The following PTGER4 variants were observed in gnomAD, a reference collection of about 807,000 sequenced individuals.
The protein encoded by PTGER4 is prostaglandin E2 receptor EP4 subtype.
PTGER4 carries 11 observed loss-of-function variants against 33.2 expected under a neutral mutation model. The observed-to-expected ratio is 0.33, with a 90% CI of 0.21 to 0.55. The LOEUF is 0.55. Among genes scored for constraint, PTGER4 ranks in the 20% least tolerant of loss-of-function variants. The pLI is 0.92. For synonymous variants in PTGER4, 275 were observed against 281.5 expected (o/e 0.98, Z 0.23); for missense variants, 481 against 650.2 (o/e 0.74, Z 2.83).
chr5:40,730,995 G>A, the PTGER4 span, among the ~76,000 whole-genome samples: 59 of 152,290 alleles, frequency 3.9e-4, no homozygotes, highest in Non-Finnish European at 6.5e-4. Flanking sequence ...TCTAAAAGCA[G>A]TAACTATATC....
chr5:40,712,889 C>T, the PTGER4 span, among the ~76,000 whole-genome samples: 6 of 152,094 alleles, frequency 3.9e-5, no homozygotes, highest in Non-Finnish European at 8.8e-5. Flanking sequence ...GTTACAGTAG[C>T]TTTAGGGCCA....
chr5:40,699,375 C>A, the PTGER4 span, among the ~76,000 whole-genome samples: 1 of 145,382 alleles, frequency 6.9e-6, no homozygotes. Flanking sequence ...TAAAAACTAC[C>A]CCGCAAAAAA....
At chr5:40,710,133 G>A in the PTGER4 span, among the ~76,000 whole-genome samples, 4 of 152,072 alleles carry the variant, frequency 2.6e-5, no homozygotes, top group African/African-American at 9.7e-5. Flanking sequence ...ATCAGAGTGA[G>A]CAGGCAACCT....
chr5:40,720,885 T>C, the PTGER4 span, among the ~76,000 whole-genome samples: 1 of 152,218 alleles, frequency 6.6e-6, no homozygotes, highest in African/African-American at 2.4e-5. Flanking sequence ...GAGTGTCCAA[T>C]GCCCCAACTT....
Position 40,692,331 on chromosome 5 carries a change from G to C in PTGER4, c.1420G>C (p.Val474Leu). The C allele has an allele frequency of 6.2e-7, 1 of 1,608,554 alleles. No homozygotes were observed. Among genetic ancestry groups the C allele is most frequent in the Non-Finnish European group, 8.5e-7 (1 of 1,177,358 alleles). ...GPAPKGSSLQ[V>L]TFPSETLNLS... ...TGCCCCTAAGGGGAGCTCCCTGCAA[G>C]TCACATTTCCCAGTGAAACACTGAA... is the stretch of plus-strand genomic sequence containing the variant. The change falls in exon 3 of 3, where the codon GTC becomes CTC. Residue 474 changes from valine (V) to leucine (L), a missense_variant. Val to Leu is a conservative substitution (Grantham distance 32). This residue lies in a region of PTGER4 where 172 missense variants were observed against 199.2 expected (regional missense o/e 0.86). Transcript: ENST00000302472.
chr5:40,727,659 G>A, the PTGER4 span, among the ~76,000 whole-genome samples: 17 of 152,048 alleles, frequency 1.1e-4, no homozygotes, highest in Non-Finnish European at 5.9e-5. Context: ...ATCTATCAGC[G>A]GTTTTGTCTC....
chr5:40,725,931 G>A, the PTGER4 span, among the ~76,000 whole-genome samples: 4 of 151,488 alleles, frequency 2.6e-5, no homozygotes, highest in East Asian at 5.8e-4. Flanking sequence ...GACTACAGGC[G>A]CCCGCCACCA....
At chr5:40,728,622 G>C in the PTGER4 span, 1 of 675,068 alleles carries the variant, frequency 1.5e-6, no homozygotes, top group African/African-American at 1.8e-5. Context: ...CTGCCATTCA[G>C]GGTAAGAAAT....
At chr5:40,689,468 AAAT>A (rs1200743418) in intron 2 of PTGER4, among the ~76,000 whole-genome samples, 3 of 152,218 alleles carry the variant, frequency 2.0e-5, no homozygotes, top group African/African-American at 7.2e-5. Flanking sequence ...AGGAAGAAAA[AAAT>A]AATTCTTCCT....
chr5:40,700,936 T>C, the PTGER4 span, among the ~76,000 whole-genome samples: 1 of 152,084 alleles, frequency 6.6e-6, no homozygotes, highest in African/African-American at 2.4e-5. Context: ...CTCACTAACA[T>C]ACCCTGACTC....
rs1741182753 is a variant in PTGER4 at position 40,681,368 on chromosome 5, T to C, written c.375T>C (p.Tyr125=). The change falls in exon 2 of 3, where the codon TAT becomes TAC. Residue 125 remains tyrosine (Y), a synonymous_variant. Coordinates refer to ENST00000302472, the MANE Select transcript of PTGER4 (RefSeq NM_000958.3). The surrounding 1 kb of genome is among the most constrained non-coding windows in gnomAD (Gnocchi z 9.8). The part of the protein sequence containing the change: ...VERYLAINHA[Y]FYSHYVDKRL... ...GCTACCTGGCCATCAACCATGCCTA[T>C]TTCTACAGCCACTACGTGGACAAGC... The C allele has an allele frequency of 6.2e-7, 1 of 1,614,136 alleles. No homozygotes were observed. The highest frequency in any genetic ancestry group is 2.2e-5 in the East Asian group (1 of 44,868).
the PTGER4 span, among the ~76,000 whole-genome samples, chr5:40,733,141 G>A: frequency 6.6e-6 from 1 of 152,128 alleles, no homozygotes; most frequent in African/African-American, 2.4e-5. Flanking sequence ...GAAATCCCAA[G>A]ACTAGGGGAA....
downstream of PTGER4, among the ~76,000 whole-genome samples, chr5:40,695,058 A>G (rs148957987): frequency 1.2e-3 from 182 of 151,892 alleles, no homozygotes; most frequent in African/African-American, 4.1e-3. Flanking sequence ...GTAATCTTTG[A>G]GACAATCTAA....
At chr5:40,733,851 A>G in the PTGER4 span, among the ~76,000 whole-genome samples, 1 of 152,190 alleles carries the variant, frequency 6.6e-6, no homozygotes, top group African/African-American at 2.4e-5. Context: ...GACCATCACT[A>G]GTTTTTTCTT....
At chr5:40,716,609 T>G in the PTGER4 span, 1 of 685,858 alleles carries the variant, frequency 1.5e-6, no homozygotes, top group Non-Finnish European at 2.4e-6. Context: ...CCTAATGCAT[T>G]ATCTTAATGT....
At chr5:40,740,502 C>G in the PTGER4 span, among the ~76,000 whole-genome samples, 1 of 152,076 alleles carries the variant, frequency 6.6e-6, no homozygotes, top group Non-Finnish European at 1.5e-5. Flanking sequence ...CTGACCTCAG[C>G]TTCTACACTC....
At chr5:40,687,259 G>A (rs1741348655) in intron 2 of PTGER4, among the ~76,000 whole-genome samples, 1 of 152,004 alleles carries the variant, frequency 6.6e-6, no homozygotes, top group Non-Finnish European at 1.5e-5. Flanking sequence ...TAGTCAGGCT[G>A]GTCTCAAACT....
At chr5:40,687,627 GT>G (rs1416439604) in intron 2 of PTGER4, among the ~76,000 whole-genome samples, 1 of 152,018 alleles carries the variant, frequency 6.6e-6, no homozygotes, top group East Asian at 1.9e-4. Flanking sequence ...TGGAGTTTTT[GT>G]TTGTTTTGTC....
At chr5:40,742,081 T>C in the PTGER4 span, among the ~76,000 whole-genome samples, 2 of 152,176 alleles carry the variant, frequency 1.3e-5, no homozygotes, top group Non-Finnish European at 2.9e-5. Context: ...TGCTGACTAC[T>C]GTCCAATGGT....
Sources: allele counts gnomAD v4.1 joint callset (sites outside exome capture counted in the v4.1 genomes callset), GRCh38; gene constraint gnomAD v4.1.1; regional missense constraint gnomAD v4.1.1; non-coding constraint Gnocchi (gnomAD v3.1); transcripts MANE v1.5; gene names NCBI Gene and HGNC (gene_info 2026-07-23, HGNC 2026-07-21).